SNX2: variants seen among roughly 807,000 people sequenced by gnomAD.
SNX2 encodes the protein sorting nexin 2, also known as sorting nexin-2.
Under a neutral mutation model 69.9 loss-of-function variants are expected in SNX2, and 25 were observed. The observed-to-expected ratio is 0.36, with a 90% CI of 0.26 to 0.50. The LOEUF (loss-of-function observed/expected upper bound fraction) is 0.50. Ranked by LOEUF, SNX2 falls within the 20% of genes least tolerant of loss-of-function variation. SNX2 has a pLI of 0.97. For synonymous variants in SNX2, 229 were observed against 200.4 expected (o/e 1.14, Z -1.20); for missense variants, 551 against 613.3 (o/e 0.90, Z 1.07).
At chr5:122,810,578 T>A (rs1561464821) in intron 7 of SNX2, among the ~76,000 whole-genome samples, 1 of 152,180 alleles carries the variant, frequency 6.6e-6, no homozygotes, top group Non-Finnish European at 1.5e-5. Context: ...GAAGATTTAC[T>A]GTACCAAGGA....
intron 7 of SNX2, 126 bp downstream of exon 7, chr5:122,808,481 A>C: frequency 1.7e-6 from 1 of 599,828 alleles, no homozygotes; most frequent in Non-Finnish European, 2.8e-6. Flanking sequence ...GGTGGCTTTT[A>C]AGACTGCTTT....
chr5:122,822,348 G>A (rs1208296080), intron 11 of SNX2, among the ~76,000 whole-genome samples: 3 of 152,182 alleles, frequency 2.0e-5, no homozygotes, highest in East Asian at 1.9e-4. Flanking sequence ...GTCCCAAAGC[G>A]CTGGGATTAC....
chr5:122,774,999 C>T (rs1468187941), upstream of SNX2: 1 of 1,162,466 alleles, frequency 8.6e-7, no homozygotes, highest in Non-Finnish European at 1.1e-6. Flanking sequence ...CCTTGAGAGG[C>T]CGGCCGGGGG....
In SNX2 at chr5:122,830,874, T is replaced by C. The variant is rs527920943; in HGVS notation, c.*1226T>C. Among the ~76,000 whole-genome samples, 1 of 151,918 alleles carries C rather than the reference T, an allele frequency of 6.6e-6. No homozygotes were observed. Among genetic ancestry groups the C allele is most frequent in the Non-Finnish European group, 1.5e-5 (1 of 67,982 alleles). On this transcript the variant is annotated 3_prime_UTR_variant, in exon 15 of 15. Transcript: ENST00000379516. ...AAATACAAAAATTCGCCTGGTGTGG[T>C]GGGGTGTGCTTGTGGTCCCAGCTAC...
rs377141692 is a variant in SNX2, at chr5:122,815,892, C to A, written c.723-4C>A. 16 of 1,548,354 alleles carry A rather than the reference C, an allele frequency of 1.0e-5. No individual in the cohort carries two copies. The Admixed American group carries it at 1.5e-4, about 14-fold the overall frequency. ...TAAAGGAGCAATTTTACTCTTAAAT[C>A]TAGGTATCTTCAAAGAACAGTAAAA... On this transcript the variant is annotated splice_region_variant and splice_polypyrimidine_tract_variant and intron_variant, in intron 7 of 14. Coordinates refer to ENST00000379516, the MANE Select transcript of SNX2 (RefSeq NM_003100.4).
intron 2 of SNX2, among the ~76,000 whole-genome samples, chr5:122,798,900 T>C (rs2150007155): frequency 6.6e-6 from 1 of 152,326 alleles, no homozygotes; most frequent in Non-Finnish European, 1.5e-5. Flanking sequence ...ATTCTTTTCA[T>C]TGTTTGCCTG....
chr5:122,817,100 C>CA, intron 9 of SNX2, 72 bp downstream of exon 9: 1 of 1,255,056 alleles, frequency 8.0e-7, no homozygotes, highest in Non-Finnish European at 1.2e-6. Flanking sequence ...TAAAGCTGTA[C>CA]AAGTGGAAAA....
chr5:122,829,701 G>T lies in SNX2; in HGVS notation c.*53G>T. On this transcript the variant is annotated 3_prime_UTR_variant, in exon 15 of 15. Transcript: ENST00000379516. ...CTTGGATGTTGTTCCAGTTATGCTGGATTCCACAGTGAAATCATTTAAAAC... is the reference window on the plus strand; with the variant it reads ...CTTGGATGTTGTTCCAGTTATGCTGTATTCCACAGTGAAATCATTTAAAAC... 4 of 1,441,068 alleles carry T rather than the reference G, an allele frequency of 2.8e-6. No individual in the cohort carries two copies. The highest frequency in any genetic ancestry group is 3.9e-6 in the Non-Finnish European group (4 of 1,023,720). The allele number at this position is 1,441,068 out of a possible 1,614,324, so 89.3% of individuals were successfully genotyped here.
At chr5:122,801,416 C>T (rs1753507524) in intron 3 of SNX2, among the ~76,000 whole-genome samples, 1 of 151,956 alleles carries the variant, frequency 6.6e-6, no homozygotes, top group Non-Finnish European at 1.5e-5. Context: ...ACCAGCCTGG[C>T]CAACATGGTG....
chr5:122,829,066 G>C (rs189472856), intron 14 of SNX2, among the ~76,000 whole-genome samples: 1 of 152,064 alleles, frequency 6.6e-6, no homozygotes, highest in Non-Finnish European at 1.5e-5. Context: ...GCAGTGAGCC[G>C]AGGTCATGCC....
intron 1 of SNX2, among the ~76,000 whole-genome samples, chr5:122,782,753 T>C (rs1753006243): frequency 6.6e-6 from 1 of 151,952 alleles, no homozygotes; most frequent in Non-Finnish European, 1.5e-5. Flanking sequence ...GCCAGGCTGG[T>C]CTTGAACTCC....
intron 8 of SNX2, among the ~76,000 whole-genome samples, chr5:122,816,643 C>T (rs1388086721): frequency 6.6e-6 from 1 of 152,052 alleles, no homozygotes; most frequent in Non-Finnish European, 1.5e-5. Context: ...TATATTTTGA[C>T]AAACAGGGTG....
At chr5:122,775,835 T>C in intron 1 of SNX2, 1 of 954,520 alleles carries the variant, frequency 1.0e-6, no homozygotes, top group African/African-American at 1.8e-5. Flanking sequence ...TTATAAAATG[T>C]AAAGCTGAAG....
intron 6 of SNX2, among the ~76,000 whole-genome samples, chr5:122,806,142 GCACACACA>G (rs139834252): frequency 0.22 from 29,078 of 130,782 alleles, 3,464 homozygotes; most frequent in East Asian, 0.49. Flanking sequence ...ACACGCGCGC[GCACACACA>G]CACACACACA....
intron 12 of SNX2, 24 bp downstream of exon 12, chr5:122,826,217 CTT>C (rs1442278047): frequency 3.8e-6 from 6 of 1,585,668 alleles, no homozygotes; most frequent in Non-Finnish European, 5.2e-6. Flanking sequence ...GCTTTAATCT[CTT>C]TACTTAAGTT....
Position 122,833,866 on chromosome 5 carries a change from C to T in SNX2, c.*4218C>T, listed in dbSNP as rs189787096. ...GAATAAAAGCGACTCCTAGTTGTTA[C>T]TCTCAAGGGCAGGTATAATTTATGT... is the stretch of plus-strand genomic sequence containing the variant. On this transcript the variant is annotated 3_prime_UTR_variant, in exon 15 of 15. Transcript: ENST00000379516. The T allele has an allele frequency of 6.6e-6, 1 of 152,276 alleles. No homozygotes were observed. Among genetic ancestry groups the T allele is most frequent in the East Asian group, 1.9e-4 (1 of 5,184 alleles). The allele number at this position is 152,276 out of a possible 1,614,324, so 9.4% of individuals were successfully genotyped here.
At position 122,775,377 on chromosome 5, in the gene SNX2, G is replaced by C. The variant is rs574536697; in HGVS notation, c.108+166G>C. 7 of 1,342,794 alleles carry C rather than the reference G, an allele frequency of 5.2e-6. No homozygotes were observed. The African/African-American group carries it at 1.1e-4, about 20-fold the overall frequency. The allele number at this position is 1,342,794 out of a possible 1,614,324, so 83.2% of individuals were successfully genotyped here. A position where few individuals can be genotyped will look rare whatever the true frequency, so the allele number is the denominator to read the frequency against. On this transcript the variant is annotated intron_variant, in intron 1 of 14. Transcript: ENST00000379516. ...GGTGCCTGTCAGAGGGATGTGCTTG[G>C]GCTGAGCGCAGGGCCTCCTCAGGAG...
intron 2 of SNX2, among the ~76,000 whole-genome samples, chr5:122,798,755 T>C (rs1027528044): frequency 1.3e-5 from 2 of 152,196 alleles, no homozygotes; most frequent in Non-Finnish European, 2.9e-5. Flanking sequence ...CATGGAATTC[T>C]TTCTTCATTT....
In SNX2 at chr5:122,799,785, C is replaced by T. The variant is rs758222741; in HGVS notation, c.320C>T (p.Thr107Ile). 26 of 1,613,516 alleles carry T rather than the reference C, an allele frequency of 1.6e-5. No homozygotes were observed. Among genetic ancestry groups the T allele is most frequent in the Non-Finnish European group, 2.2e-5 (26 of 1,179,496 alleles). Residue 107 changes from threonine to isoleucine, a missense_variant, in exon 3 of 15, where the codon ACA becomes ATA. Thr to Ile is a moderately conservative substitution (Grantham distance 89). This residue lies in a region of SNX2 where 191 missense variants were observed against 162.9 expected (regional missense o/e 1.17). Transcript: ENST00000379516. ...GCAGTCACACCTGTCACTCCTACTA[C>T]ACTCATTGCTCCTAGAATTGAATCA... Reference protein sequence around the residue: ...SPAVTPVTPTTLIAPRIESKS... With the variant: ...SPAVTPVTPTILIAPRIESKS...
Sources: allele counts gnomAD v4.1 joint callset (sites outside exome capture counted in the v4.1 genomes callset), GRCh38; gene constraint gnomAD v4.1.1; regional missense constraint gnomAD v4.1.1; transcripts MANE v1.5; gene names NCBI Gene and HGNC (gene_info 2026-07-23, HGNC 2026-07-21).